RB1CC1: variants seen among roughly 807,000 people sequenced by gnomAD.
The protein encoded by RB1CC1 is RB1 inducible coiled-coil 1.
Under a neutral mutation model 177.5 loss-of-function variants are expected in RB1CC1, and 46 were observed. The ratio of observed to expected loss-of-function variants is 0.26; its 90% CI spans 0.20 to 0.33. The LOEUF is 0.33. RB1CC1 is among the 10% of genes least tolerant of loss of function. The probability of loss-of-function intolerance (pLI) is 1.00; values close to 1 mark genes in which losing one functional copy is unlikely to be tolerated. For synonymous variants in RB1CC1, 666 were observed against 613.6 expected, an observed-to-expected ratio of 1.09 and a Z score of -1.26; for missense variants, 1,703 against 1,816.3, an observed-to-expected ratio of 0.94 and a Z score of 1.13.
At chr8:52,694,266 T>C (rs2150652208) in intron 1 of RB1CC1, among the ~76,000 whole-genome samples, 1 of 152,280 alleles carries the variant, frequency 6.6e-6, no homozygotes, top group South Asian at 2.1e-4. Flanking sequence ...ACAGGTCACG[T>C]GGTCTCCCAC....
chr8:52,640,551 A>G (rs1034497881), intron 18 of RB1CC1, among the ~76,000 whole-genome samples: 2 of 152,186 alleles, frequency 1.3e-5, no homozygotes, highest in African/African-American at 2.4e-5. Context: ...AATTGCTTTT[A>G]TATTTTTCCC....
intron 15 of RB1CC1, among the ~76,000 whole-genome samples, chr8:52,651,074 A>G (rs955188519): frequency 1.3e-5 from 2 of 152,260 alleles, no homozygotes; most frequent in Non-Finnish European, 2.9e-5. Context: ...AATCTTTAAT[A>G]TATTTTGGCA....
At position 52,685,527 on chromosome 8, in the gene RB1CC1, G is replaced by C; in HGVS notation, c.-51-7C>G. On this transcript the variant is annotated splice_region_variant and splice_polypyrimidine_tract_variant and intron_variant, in intron 2 of 23. Transcript: ENST00000025008. ...TCACCCTCTGATACAGTTACTAGAA[G>C]AAACAAGAGAAGTGATCAATTTTAC... 9.4e-7 allele frequency: 1 copy of C among 1,063,968 alleles called. No homozygotes were observed. The highest frequency in any genetic ancestry group is 1.4e-6 in the Non-Finnish European group (1 of 712,058). The allele number at this position is 1,063,968 out of a possible 1,614,324, so 65.9% of individuals were successfully genotyped here. A position where few individuals can be genotyped will look rare whatever the true frequency, so the allele number is the denominator to read the frequency against.
At chr8:52,698,781 C>A (rs959142155) in intron 1 of RB1CC1, among the ~76,000 whole-genome samples, 14 of 140,744 alleles carry the variant, frequency 9.9e-5, no homozygotes, top group Non-Finnish European at 1.7e-4. Context: ...ACCTCCCCTT[C>A]CCGAATTCAA....
chr8:52,656,734 T>C lies in RB1CC1; in HGVS notation c.3095A>G (p.His1032Arg), dbSNP rs776808998. 7.4e-6 allele frequency: 12 copies of C among 1,613,424 alleles called. No individual in the cohort carries two copies. Among genetic ancestry groups the C allele is most frequent in the Non-Finnish European group, 1.0e-5 (12 of 1,179,586 alleles). The change falls in exon 15 of 24, where the codon CAT becomes CGT. Residue 1032 changes from histidine to arginine, a missense_variant. By Grantham distance (29) the His-to-Arg change is conservative (BLOSUM62 0). Coordinates refer to ENST00000025008, the MANE Select transcript of RB1CC1 (RefSeq NM_014781.5). ...QQIINQIQESHAEIIQEKEKQ... is the reference protein window; with the variant it reads ...QQIINQIQESRAEIIQEKEKQ... ...TTCTTTTTCCTGGATAATTTCAGCA[T>C]GAGATTCTTGTATTTGATTAATTAT...
In RB1CC1 at chr8:52,636,930, C is replaced by A. The variant is rs556940913; in HGVS notation, c.4338-861G>T. Among the ~76,000 whole-genome samples the A allele has an allele frequency of 2.6e-5, 4 of 152,308 alleles. No homozygotes were observed. In the East Asian group the frequency reaches 7.7e-4, roughly 29 times the overall value. The stretch of plus-strand genomic sequence containing the variant: ...TGAATACGAGGGCTAATTTTGGACT[C>A]TCAATTCTATTCCACTGATACAGTC... On this transcript the variant is annotated intron_variant, in intron 18 of 23. Transcript: ENST00000025008.
chr8:52,706,227 G>A (rs966483082), intron 1 of RB1CC1, among the ~76,000 whole-genome samples: 1 of 151,740 alleles, frequency 6.6e-6, no homozygotes, highest in African/African-American at 2.4e-5. Context: ...CCCACCAAGA[G>A]AGCAAGACAA....
intron 8 of RB1CC1, among the ~76,000 whole-genome samples, chr8:52,662,653 G>C (rs1344235932): frequency 2.0e-5 from 3 of 151,986 alleles, no homozygotes; most frequent in Non-Finnish European, 4.4e-5. Context: ...AAGGACAAGT[G>C]TGTCTTCCAA....
At position 52,676,524 on chromosome 8, in the gene RB1CC1, A is replaced by G; in HGVS notation, c.417T>C (p.Leu139=). The G allele has an allele frequency of 6.2e-7, 1 of 1,612,588 alleles. No individual in the cohort carries two copies. Among genetic ancestry groups the G allele is most frequent in the Non-Finnish European group, 8.5e-7 (1 of 1,179,674 alleles). ...GGTGTTGAAGATGTTCATCATGTAC[A>G]AGACCTTCACAAAAAGAACAAAGTT... ...AKKLCSFCEG[L]VHDEHLQHQG... The change falls in exon 6 of 24, where the codon CTT becomes CTC. Residue 139 remains leucine, a synonymous_variant. Coordinates refer to ENST00000025008, the MANE Select transcript of RB1CC1 (RefSeq NM_014781.5).
chr8:52,623,545 G>A lies in RB1CC1; in HGVS notation c.*237C>T. The A allele has an allele frequency of 2.0e-6, 1 of 497,924 alleles. No homozygotes were observed. The highest frequency in any genetic ancestry group is 3.7e-6 in the Non-Finnish European group (1 of 268,398). The allele number at this position is 497,924 out of a possible 1,614,324, so 30.8% of individuals were successfully genotyped here. On this transcript the variant is annotated 3_prime_UTR_variant, in exon 24 of 24. Transcript: ENST00000025008. The stretch of plus-strand genomic sequence containing the variant: ...TAGTTTGGTCCGCATTTCTAGAGTT[G>A]TCTGGGTAAAAAAAAAAACCAAAAA...
chr8:52,645,263 T>C (rs995831712), intron 16 of RB1CC1, among the ~76,000 whole-genome samples: 13 of 152,318 alleles, frequency 8.5e-5, no homozygotes, highest in East Asian at 7.7e-4. Context: ...GAATGTAATT[T>C]AGGATAACAA....
chr8:52,637,998 A>C (rs999998023), intron 18 of RB1CC1, among the ~76,000 whole-genome samples: 4 of 152,094 alleles, frequency 2.6e-5, no homozygotes, highest in Non-Finnish European at 5.9e-5. Flanking sequence ...TTTCTTGCCT[A>C]AGTGCCCGTG....
rs1002424480 is a variant in RB1CC1 at position 52,656,251 on chromosome 8, T to C, written c.3578A>G (p.Gln1193Arg). ...LDSELSALERQKDEKITQQEE... is the reference protein window; with the variant it reads ...LDSELSALERRKDEKITQQEE... The stretch of plus-strand genomic sequence containing the variant: ...TTGTTGGGTAATTTTTTCATCTTTT[T>C]GTCTTTCAAGAGCACTCAATTCTGA... The change falls in exon 15 of 24, where the codon CAA (glutamine) becomes CGA (arginine). Residue 1193 changes from glutamine (Q) to arginine (R), a missense_variant. By Grantham distance (43) the Gln-to-Arg change is conservative. Coordinates refer to ENST00000025008, the MANE Select transcript of RB1CC1 (RefSeq NM_014781.5). 1 of 1,613,328 alleles carries C rather than the reference T, an allele frequency of 6.2e-7. No homozygotes were observed. The highest frequency in any genetic ancestry group is 1.1e-5 in the South Asian group (1 of 90,968).
At chr8:52,630,561 CA>C (rs754290213) in intron 20 of RB1CC1, 33 bp from the exon 21 acceptor site, 2 of 1,532,680 alleles carry the variant, frequency 1.3e-6, no homozygotes, top group Non-Finnish European at 1.7e-6. Context: ...TGAACTTACA[CA>C]ATTTGAGTAC....
intron 5 of RB1CC1, 43 bp from the exon 6 acceptor site, chr8:52,676,614 G>A: frequency 6.5e-7 from 1 of 1,545,028 alleles, no homozygotes; most frequent in South Asian, 1.2e-5. Context: ...AGAAGGCAAT[G>A]GTTTGTTTGC....
rs779545105 is a variant in RB1CC1 at position 52,656,386 on chromosome 8, G to A, written c.3443C>T (p.Ser1148Phe). 5.6e-6 allele frequency: 9 copies of A among 1,610,524 alleles called. No homozygotes were observed. Among genetic ancestry groups the A allele is most frequent in the Non-Finnish European group, 7.6e-6 (9 of 1,179,172 alleles). Residue 1148 changes from serine (S) to phenylalanine (F), a missense_variant, in exon 15 of 24, where the codon TCT becomes TTT. Coordinates refer to ENST00000025008, the MANE Select transcript of RB1CC1 (RefSeq NM_014781.5). ...SELISRHEEE[S>F]NILKAELNKV... ...GTTTAATTCAGCTTTAAGTATATTA[G>A]ATTCTTCTTCATGTCTACTAATTAA...
At chr8:52,710,283 T>C (rs1856938972) in intron 1 of RB1CC1, among the ~76,000 whole-genome samples, 1 of 152,168 alleles carries the variant, frequency 6.6e-6, no homozygotes, top group Non-Finnish European at 1.5e-5. Flanking sequence ...AGTTCAGACT[T>C]CCTAAATATA....
rs1848766565 is a variant in RB1CC1, at chr8:52,631,662, C to A, written c.4441-1134G>T. Among the ~76,000 whole-genome samples the A allele has an allele frequency of 4.6e-5, 7 of 152,134 alleles. 1 individual carries two copies. The South Asian group carries it at 1.4e-3, about 32-fold the overall frequency. ...AATCATTTATCATGACCTACACGGC[C>A]AACATTGGTCCAAACTACCTTTAAG... On this transcript the variant is annotated intron_variant, in intron 20 of 23. Coordinates refer to ENST00000025008, the MANE Select transcript of RB1CC1 (RefSeq NM_014781.5).
intron 12 of RB1CC1, among the ~76,000 whole-genome samples, chr8:52,660,216 A>T (rs534802804): frequency 2.0e-5 from 3 of 152,282 alleles, no homozygotes; most frequent in Admixed American, 1.3e-4. Flanking sequence ...GTGAAAAGAA[A>T]TATAGAAGGG....
Sources: allele counts gnomAD v4.1 joint callset (sites outside exome capture counted in the v4.1 genomes callset), GRCh38; gene constraint gnomAD v4.1.1; transcripts MANE v1.5; gene names NCBI Gene and HGNC (gene_info 2026-07-23, HGNC 2026-07-21).